The following RANBP2 variants were observed in gnomAD, a reference collection of about 807,000 sequenced individuals.
The protein encoded by RANBP2 is E3 SUMO-protein ligase RanBP2.
Under a neutral mutation model 303.6 loss-of-function variants are expected in RANBP2, and 57 were observed. The ratio of observed to expected loss-of-function variants is 0.19; its 90% CI spans 0.15 to 0.23. The LOEUF is 0.23. Ranked by LOEUF, RANBP2 falls within the 10% of genes least tolerant of loss-of-function variation. The pLI, the probability that RANBP2 is intolerant of heterozygous loss-of-function variation, is 1.00. For synonymous variants in RANBP2, 1,167 were observed against 1,301.5 expected (o/e 0.90, Z 2.23); for missense variants, 3,138 against 3,780.8 (o/e 0.83, Z 4.46).
chr2:108,859,899 A>G, the RANBP2 span, among the ~76,000 whole-genome samples: 3 of 152,104 alleles, frequency 2.0e-5, no homozygotes, highest in African/African-American at 7.2e-5. Flanking sequence ...AGGCAATATA[A>G]CCATTTAAAT....
chr2:108,748,897 A>G, intron 8 of RANBP2, 23 bp from the exon 9 acceptor site: 1 of 1,611,960 alleles, frequency 6.2e-7, no homozygotes, highest in Admixed American at 1.7e-5. Context: ...AAGTGATGGA[A>G]ATAACTTAAA....
the RANBP2 span, among the ~76,000 whole-genome samples, chr2:108,791,003 A>G: frequency 6.6e-6 from 1 of 151,866 alleles, no homozygotes; most frequent in Non-Finnish European, 1.5e-5. Context: ...CTCAAGAGAT[A>G]CTCCCACTTC....
the RANBP2 span, among the ~76,000 whole-genome samples, chr2:109,718,013 T>C: frequency 1.3e-5 from 2 of 152,196 alleles, no homozygotes; most frequent in African/African-American, 4.8e-5. Context: ...GCAAAACTTA[T>C]ACTTTGAGAA....
At chr2:109,511,607 G>C in the RANBP2 span, among the ~76,000 whole-genome samples, 9 of 152,198 alleles carry the variant, frequency 5.9e-5, no homozygotes, top group African/African-American at 2.2e-4. Flanking sequence ...GGAGCCTGCA[G>C]GGAGGAATAG....
chr2:109,022,230 AG>A, the RANBP2 span, among the ~76,000 whole-genome samples: 1 of 152,138 alleles, frequency 6.6e-6, no homozygotes, highest in East Asian at 1.9e-4. Context: ...GCCTGCAGTT[AG>A]GGGTTGGGCT....
chr2:108,840,590 T>C, the RANBP2 span, among the ~76,000 whole-genome samples: 9 of 152,174 alleles, frequency 5.9e-5, no homozygotes, highest in Non-Finnish European at 8.8e-5. Flanking sequence ...CATTCAAATG[T>C]ATGCACATTT....
the RANBP2 span, among the ~76,000 whole-genome samples, chr2:108,980,376 G>T: frequency 6.6e-6 from 1 of 152,112 alleles, no homozygotes; most frequent in Non-Finnish European, 1.5e-5. Context: ...TGCCACTAAT[G>T]CTCTGGTGGG....
chr2:109,673,585 T>A, the RANBP2 span, among the ~76,000 whole-genome samples: 1 of 152,178 alleles, frequency 6.6e-6, no homozygotes, highest in East Asian at 1.9e-4. Flanking sequence ...GGATGTGGGC[T>A]GGGTGCAGTG....
chr2:109,695,812 T>C, the RANBP2 span, among the ~76,000 whole-genome samples: 3 of 152,010 alleles, frequency 2.0e-5, no homozygotes, highest in Non-Finnish European at 4.4e-5. Flanking sequence ...TTAGCTGGAG[T>C]GTGGTAGAAT....
At chr2:109,656,542 G>A in the RANBP2 span, among the ~76,000 whole-genome samples, 2 of 152,292 alleles carry the variant, frequency 1.3e-5, no homozygotes, top group East Asian at 3.9e-4. Context: ...GTTTCACCAT[G>A]TTGGCCAGGC....
the RANBP2 span, among the ~76,000 whole-genome samples, chr2:109,081,287 T>C: frequency 3.3e-5 from 5 of 152,236 alleles, no homozygotes; most frequent in African/African-American, 7.2e-5. Context: ...TGTTTTCTAT[T>C]GATCGAATTG....
chr2:108,782,759 T>C lies in RANBP2; in HGVS notation c.9266T>C (p.Val3089Ala), dbSNP rs1439410813. 1 of 1,614,212 alleles carries C rather than the reference T, an allele frequency of 6.2e-7. No individual in the cohort carries two copies. The highest frequency in any genetic ancestry group is 1.1e-5 in the South Asian group (1 of 91,088). The change falls in exon 28 of 29, where the codon GTT (valine) becomes GCT (alanine). Residue 3089 changes from valine to alanine, a missense_variant. Val to Ala is a moderately conservative substitution (Grantham distance 64). Coordinates refer to ENST00000283195, the MANE Select transcript of RANBP2 (RefSeq NM_006267.5). The part of the protein sequence containing the change: ...RITMELFSNI[V>A]PRTAENFRAL... Reference sequence around the variant, plus strand: ...ACTATGGAATTATTTTCAAACATTGTTCCTCGGACTGCTGAGAACTTCAGA... The same window carrying C: ...ACTATGGAATTATTTTCAAACATTGCTCCTCGGACTGCTGAGAACTTCAGA...
the RANBP2 span, among the ~76,000 whole-genome samples, chr2:109,489,613 G>A: frequency 3.3e-5 from 5 of 152,226 alleles, no homozygotes; most frequent in Admixed American, 6.5e-5. Context: ...GGGATGGCCC[G>A]TCAGCAGCAT....
At chr2:109,238,343 G>C in the RANBP2 span, among the ~76,000 whole-genome samples, 1 of 152,178 alleles carries the variant, frequency 6.6e-6, no homozygotes, top group Non-Finnish European at 1.5e-5. Flanking sequence ...TATGCACAGA[G>C]ACAAGGCTGG....
the RANBP2 span, among the ~76,000 whole-genome samples, chr2:109,678,135 A>G: frequency 6.6e-6 from 1 of 152,268 alleles, no homozygotes; most frequent in African/African-American, 2.4e-5. Context: ...CAGAATGGAC[A>G]GCACCAAGCA....
the RANBP2 span, among the ~76,000 whole-genome samples, chr2:108,866,309 C>G: frequency 6.6e-6 from 1 of 152,190 alleles, no homozygotes; most frequent in Non-Finnish European, 1.5e-5. Context: ...ATCATCACCT[C>G]CATCTCAGTA....
chr2:109,692,078 G>A, the RANBP2 span, among the ~76,000 whole-genome samples: 4 of 152,136 alleles, frequency 2.6e-5, no homozygotes, highest in South Asian at 2.1e-4. Context: ...CACCATGCCC[G>A]GCCCATGATC....
At chr2:109,240,981 T>C in the RANBP2 span, among the ~76,000 whole-genome samples, 3 of 151,678 alleles carry the variant, frequency 2.0e-5, 1 homozygote, top group African/African-American at 7.3e-5. Context: ...CAAGTCCACA[T>C]CTCCCCAAAA....
At chr2:108,931,090 G>C in the RANBP2 span, 1 of 1,461,516 alleles carries the variant, frequency 6.8e-7, no homozygotes, top group African/African-American at 1.4e-5. Context: ...CGGGGGTCTG[G>C]CTACCTTTAT....
Sources: allele counts gnomAD v4.1 joint callset (sites outside exome capture counted in the v4.1 genomes callset), GRCh38; gene constraint gnomAD v4.1.1; transcripts MANE v1.5; gene names NCBI Gene and HGNC (gene_info 2026-07-23, HGNC 2026-07-21).